PRKDC: variants seen among roughly 807,000 people sequenced by gnomAD.
PRKDC encodes the protein protein kinase, DNA-activated, catalytic subunit, also known as DNA-dependent protein kinase catalytic subunit.
A neutral mutation model predicts 486.9 loss-of-function variants in PRKDC; 82 were observed. That is an observed-to-expected ratio of 0.17 (90% CI 0.14 to 0.20). PRKDC has a LOEUF of 0.20. Among genes scored for constraint, PRKDC ranks in the 10% least tolerant of loss-of-function variants. PRKDC has a pLI of 1.00. For synonymous variants in PRKDC, 1,895 were observed against 1,837.0 expected, an observed-to-expected ratio of 1.03 and a Z score of -0.81; for missense variants, 4,504 against 5,038.2, an observed-to-expected ratio of 0.89 and a Z score of 3.21.
intron 42 of PRKDC, among the ~76,000 whole-genome samples, 166 bp from the exon 43 acceptor site, chr8:47,862,707 C>G (rs957064251): frequency 1.7e-4 from 26 of 152,314 alleles, no homozygotes; most frequent in East Asian, 1.3e-3. Context: ...AACATGTCAT[C>G]CATCTCACAG....
At position 47,863,587 on chromosome 8, in the gene PRKDC, G is replaced by A. The variant is rs2088728375; in HGVS notation, c.5572-10C>T. On this transcript the variant is annotated splice_polypyrimidine_tract_variant and intron_variant, in intron 41 of 85. Coordinates refer to ENST00000314191, the MANE Select transcript of PRKDC (RefSeq NM_006904.7). The stretch of plus-strand genomic sequence containing the variant: ...AGGTAGATTCATTTAGCTTCAAAAA[G>A]GTAAAAAATAATTATCTTTGGTCTT... 6.3e-7 allele frequency: 1 copy of A among 1,586,010 alleles called. No homozygotes were observed. The highest frequency in any genetic ancestry group is 8.6e-7 in the Non-Finnish European group (1 of 1,162,402).
intron 42 of PRKDC, 68 bp from the exon 43 acceptor site, chr8:47,862,609 C>G: frequency 6.9e-7 from 1 of 1,449,780 alleles, no homozygotes; most frequent in Non-Finnish European, 9.3e-7. Flanking sequence ...CCCAACAATG[C>G]CAGACAACAG....
chr8:47,953,850 G>A lies in PRKDC; in HGVS notation c.578C>T (p.Ala193Val). The A allele has an allele frequency of 6.4e-7, 1 of 1,570,350 alleles. No individual in the cohort carries two copies. Among genetic ancestry groups the A allele is most frequent in the Non-Finnish European group, 8.7e-7 (1 of 1,155,632 alleles). ...EVHPSEMINN[A>V]ENLFRAFLGE... ...CAGAAAAGCGCGGAACAGGTTTTCT[G>A]CATTATTTATCATCTCACTAGGATG... is the stretch of plus-strand genomic sequence containing the variant. Residue 193 changes from alanine to valine, a missense_variant, in exon 6 of 86, where the codon GCA (alanine) becomes GTA (valine). Physicochemically the swap from Ala to Val is moderately conservative, Grantham distance 64 (BLOSUM62 0). This residue lies in a region of PRKDC where 1,969 missense variants were observed against 2,068.9 expected (regional missense o/e 0.95). Coordinates refer to ENST00000314191, the MANE Select transcript of PRKDC (RefSeq NM_006904.7).
chr8:47,866,524 A>G (rs2088820851), intron 40 of PRKDC, among the ~76,000 whole-genome samples: 1 of 152,224 alleles, frequency 6.6e-6, no homozygotes, highest in South Asian at 2.1e-4. Flanking sequence ...TAAAAAGAGC[A>G]AAGACCTAAT....
chr8:47,842,383 ATTC>A (rs989255861), intron 54 of PRKDC, among the ~76,000 whole-genome samples: 3 of 152,140 alleles, frequency 2.0e-5, no homozygotes, highest in Admixed American at 6.6e-5. Context: ...ACTAAAAAAA[ATTC>A]TTCTAGTATC....
chr8:47,929,712 A>T (rs1207221808), intron 18 of PRKDC, 141 bp downstream of exon 18: 2 of 969,976 alleles, frequency 2.1e-6, no homozygotes, highest in Admixed American at 3.7e-5. Context: ...TGCCATTCAC[A>T]TATCAATTTT....
chr8:47,872,501 T>TAAAAAAAAAAAAA (rs748681244), intron 40 of PRKDC, among the ~76,000 whole-genome samples: 2 of 74,106 alleles, frequency 2.7e-5, no homozygotes, highest in African/African-American at 4.1e-5. Context: ...TATAAAAAAG[T>TAAAAAAAAAAAAA]AAAAAAAAAA....
At position 47,777,708 on chromosome 8, in the gene PRKDC, T is replaced by C; in HGVS notation, c.12020A>G (p.Lys4007Arg). The C allele has an allele frequency of 1.3e-6, 2 of 1,592,722 alleles. No individual in the cohort carries two copies. The highest frequency in any genetic ancestry group is 1.7e-4 in the Middle Eastern group (1 of 5,950). ...TACTTTCCAATCAAAGGAGGGCTCCTTGACAAACACATCCATGGTGTTGGT... is the reference window on the plus strand; with the variant it reads ...TACTTTCCAATCAAAGGAGGGCTCCCTGACAAACACATCCATGGTGTTGGT... ...LLTNTMDVFV[K>R]EPSFDWKNFE... is the part of the protein sequence containing the mutation. The change falls in exon 84 of 86, where the codon AAG becomes AGG. Residue 4007 changes from lysine (K) to arginine (R), a missense_variant. Physicochemically the swap from Lys to Arg is conservative, Grantham distance 26. Around this residue, in one of 6 missense-constraint regions of PRKDC, gnomAD observed 706 missense variants for 945.0 expected, o/e 0.75. Coordinates refer to ENST00000314191, the MANE Select transcript of PRKDC (RefSeq NM_006904.7).
chr8:47,799,013 G>A (rs1028202082), intron 72 of PRKDC, among the ~76,000 whole-genome samples, 197 bp downstream of exon 72: 15 of 152,116 alleles, frequency 9.9e-5, no homozygotes, highest in African/African-American at 3.4e-4. Flanking sequence ...GTTTCACCAC[G>A]TTGGCCAGGC....
rs56209904 is a variant in PRKDC, at chr8:47,889,156, C to T, written c.4138G>A (p.Ala1380Thr). The T allele has an allele frequency of 1.4e-5, 22 of 1,613,844 alleles. No homozygotes were observed. The highest frequency in any genetic ancestry group is 5.0e-5 in the Admixed American group (3 of 59,990). ...TCTCCGATGTTGAAACCTATGCTTGCGGGCTCACACAGCGTCTGCACCAGG... is the reference window on the plus strand; with the variant it reads ...TCTCCGATGTTGAAACCTATGCTTGTGGGCTCACACAGCGTCTGCACCAGG... ...RVLVQTLCEPASIGFNIGDVQ... is the reference protein window; with the variant it reads ...RVLVQTLCEPTSIGFNIGDVQ... Residue 1380 changes from alanine (A) to threonine (T), a missense_variant, in exon 33 of 86, where the codon GCA (alanine) becomes ACA (threonine). Ala to Thr is a moderately conservative substitution (Grantham distance 58). This residue lies in a region of PRKDC where 1,969 missense variants were observed against 2,068.9 expected (regional missense o/e 0.95). Transcript: ENST00000314191.
intron 17 of PRKDC, 118 bp from the exon 18 acceptor site, chr8:47,930,130 C>G: frequency 1.2e-6 from 1 of 859,650 alleles, no homozygotes; most frequent in South Asian, 2.0e-5. Context: ...TTGAGGTATC[C>G]TAAAATGTTT....
At chr8:47,820,461 A>T (rs2087563348) in intron 66 of PRKDC, among the ~76,000 whole-genome samples, 1 of 152,110 alleles carries the variant, frequency 6.6e-6, no homozygotes, top group Non-Finnish European at 1.5e-5. Context: ...AGGAAAAAAA[A>T]TGAAACCTTT....
chr8:47,897,708 C>G (rs572301640), intron 29 of PRKDC, among the ~76,000 whole-genome samples: 20 of 152,312 alleles, frequency 1.3e-4, no homozygotes, highest in African/African-American at 4.8e-4. Flanking sequence ...GTGGGGCCAG[C>G]CCAGCAATCT....
intron 39 of PRKDC, 99 bp downstream of exon 39, chr8:47,879,392 C>T (rs2089158992): frequency 5.2e-6 from 6 of 1,156,266 alleles, no homozygotes; most frequent in Non-Finnish European, 7.2e-6. Flanking sequence ...TTTACAACTT[C>T]TCTGATTGTG....
At chr8:47,795,607 C>CCT (rs2086968793) in intron 73 of PRKDC, among the ~76,000 whole-genome samples, 1 of 150,570 alleles carries the variant, frequency 6.6e-6, no homozygotes, top group Non-Finnish European at 1.5e-5. Context: ...ATTCTTTCTA[C>CCT]CTCAGCCTTC....
chr8:47,932,887 C>T (rs1427555845), intron 16 of PRKDC, 133 bp downstream of exon 16: 1 of 642,588 alleles, frequency 1.6e-6, no homozygotes, highest in Non-Finnish European at 2.5e-6. Flanking sequence ...GCATCAGTGG[C>T]ACATAATAAT....
At chr8:47,936,278 T>C (rs2090349863) in intron 12 of PRKDC, 75 bp downstream of exon 12, 7 of 1,464,560 alleles carry the variant, frequency 4.8e-6, no homozygotes, top group South Asian at 2.8e-5. Context: ...ACTAAATGTA[T>C]TGTATGACTC....
chr8:47,890,374 T>C lies in PRKDC; in HGVS notation c.3954A>G (p.Ala1318=). ...CCTCTTGTGGGCTTGTTCTGTTACC[T>C]GCTGCCCCAGTGCCAAAGCACTTTT... ...AAEKCFGTGA[A]GNRTSPQEGE... is the part of the protein sequence containing the mutation. Residue 1318 remains alanine, a synonymous_variant, in exon 32 of 86, where the codon GCA becomes GCG. Coordinates refer to ENST00000314191, the MANE Select transcript of PRKDC (RefSeq NM_006904.7). 5.0e-6 allele frequency: 8 copies of C among 1,612,698 alleles called. No homozygotes were observed. Among genetic ancestry groups the C allele is most frequent in the Non-Finnish European group, 5.9e-6 (7 of 1,179,328 alleles).
In PRKDC at chr8:47,887,625, C is replaced by A; in HGVS notation, c.4494G>T (p.Gln1498His). Reference protein sequence around the residue: ...YKGIAPGDERQCLPSLDLSCK... With the variant: ...YKGIAPGDERHCLPSLDLSCK... ...AACTGAGGTCTAGAGAAGGCAGACA[C>A]TGTCTCTCATCTCCAGGGGCAATGC... The change falls in exon 35 of 86, where the codon CAG becomes CAT. Residue 1498 changes from glutamine to histidine, a missense_variant. Around this residue, in one of 6 missense-constraint regions of PRKDC, gnomAD observed 1,969 missense variants for 2,068.9 expected, o/e 0.95. Coordinates refer to ENST00000314191, the MANE Select transcript of PRKDC (RefSeq NM_006904.7). 1 of 1,606,400 alleles carries A rather than the reference C, an allele frequency of 6.2e-7. No homozygotes were observed. Among genetic ancestry groups the A allele is most frequent in the Non-Finnish European group, 8.5e-7 (1 of 1,176,454 alleles).
Sources: allele counts gnomAD v4.1 joint callset (sites outside exome capture counted in the v4.1 genomes callset), GRCh38; gene constraint gnomAD v4.1.1; regional missense constraint gnomAD v4.1.1; transcripts MANE v1.5; gene names NCBI Gene and HGNC (gene_info 2026-07-23, HGNC 2026-07-21).